Variants in PAOX observed in about 807,000 individuals in gnomAD.
The protein encoded by PAOX is peroxisomal N(1)-acetyl-spermine/spermidine oxidase.
PAOX carries 38 observed loss-of-function variants against 39.0 expected under a neutral mutation model. The ratio of observed to expected loss-of-function variants is 0.97; its 90% CI spans 0.75 to 1.28. The LOEUF is 1.28. Ranked by LOEUF, PAOX falls within the 50% of genes most tolerant of loss-of-function variation. PAOX has a pLI of 0.00. For missense variants in PAOX, 667 were observed against 685.7 expected, an observed-to-expected ratio of 0.97 and a Z score of 0.30; for synonymous variants, 311 against 314.4, an observed-to-expected ratio of 0.99 and a Z score of 0.11.
In PAOX at chr10:133,384,834, G is replaced by A. The variant is rs1167446324; in HGVS notation, c.1121+622G>A. On this transcript the variant is annotated intron_variant, in intron 4 of 6. Transcript: ENST00000278060. The surrounding 1 kb of genome is among the most constrained non-coding windows in gnomAD (Gnocchi z 4.3). Reference sequence around the variant, plus strand: ...TTTCCACTGAGAGATGCCGCAGGAGGGGGCACCAAGTTCTTGTTCTGAAAG... The same window carrying A: ...TTTCCACTGAGAGATGCCGCAGGAGAGGGCACCAAGTTCTTGTTCTGAAAG... 6.6e-6 allele frequency among the ~76,000 whole-genome samples: 1 copy of A among 152,186 alleles called. No homozygotes were observed. Among genetic ancestry groups the A allele is most frequent in the African/African-American group, 2.4e-5 (1 of 41,432 alleles).
chr10:133,389,004 C>T lies in PAOX; in HGVS notation c.1170C>T (p.Phe390=), dbSNP rs975415222. The change falls in exon 5 of 7, where the codon TTC becomes TTT. Residue 390 remains phenylalanine, a synonymous_variant. Transcript: ENST00000278060. The part of the protein sequence containing the change: ...CGFIAGLESE[F]METLSDEEVL... Reference sequence around the variant, plus strand: ...TCATTGCCGGACTTGAGTCTGAGTTCATGGAGACTCTGTCGGATGAAGAAG... The same window carrying T: ...TCATTGCCGGACTTGAGTCTGAGTTTATGGAGACTCTGTCGGATGAAGAAG... 6 of 1,614,020 alleles carry T rather than the reference C, an allele frequency of 3.7e-6. No individual in the cohort carries two copies. Among genetic ancestry groups the T allele is most frequent in the Non-Finnish European group, 5.1e-6 (6 of 1,180,040 alleles).
intron 3 of PAOX, 128 bp from the exon 4 acceptor site, chr10:133,383,832 A>T (rs11101730): frequency 0.075 from 94,055 of 1,257,838 alleles, 3,971 homozygotes; most frequent in Middle Eastern, 0.11. Context: ...AAAAAGTAAA[A>T]CTGCTTGTGT....
intron 6 of PAOX, 88 bp downstream of exon 6, chr10:133,389,835 C>G (rs927338063): frequency 1.5e-6 from 2 of 1,325,294 alleles, no homozygotes; most frequent in Non-Finnish European, 1.9e-6. Context: ...CAGCCAGTGG[C>G]GGGTGGGCTG....
rs1476754195 is a variant in PAOX at position 133,384,028 on chromosome 10, A to G, written c.937A>G (p.Arg313Gly). ...PLPAEKAEAIRKIGFGTNNKI... is the reference protein window; with the variant it reads ...PLPAEKAEAIGKIGFGTNNKI... ...GCCGGCTGAGAAGGCAGAAGCAATC[A>G]GGAAGATAGGCTTTGGGACCAACAA... The change falls in exon 4 of 7, where the codon AGG becomes GGG. Residue 313 changes from arginine to glycine, a missense_variant. Transcript: ENST00000278060. This position sits in a 1 kb window ranked among gnomAD's most constrained non-coding sequence, Gnocchi z 4.3. 3 of 1,614,242 alleles carry G rather than the reference A, an allele frequency of 1.9e-6. No homozygotes were observed. The highest frequency in any genetic ancestry group is 1.7e-6 in the Non-Finnish European group (2 of 1,180,032).
chr10:133,380,579 G>A (rs1232419112), intron 2 of PAOX, 94 bp downstream of exon 2: 42 of 1,432,826 alleles, frequency 2.9e-5, no homozygotes, highest in Non-Finnish European at 3.4e-5. Context: ...GGTATGGGAG[G>A]GACAGGAGAC....
chr10:133,379,710 G>A (rs1589889352), intron 1 of PAOX: 1 of 524,042 alleles, frequency 1.9e-6, no homozygotes, highest in Non-Finnish European at 3.0e-6. Context: ...GCGACCTACG[G>A]CTCCACAAGG....
chr10:133,381,594 T>C lies in PAOX; in HGVS notation c.803T>C (p.Val268Ala). The C allele has an allele frequency of 6.2e-7, 1 of 1,613,608 alleles. No individual in the cohort carries two copies. Among genetic ancestry groups the C allele is most frequent in the South Asian group, 1.1e-5 (1 of 91,086 alleles). ...GCCTTTCCCGGGGAGACCTTTCCAG[T>C]GTCGGTAGAGTGTGAGGATGGAGAC... Reference protein sequence around the residue: ...EAAFPGETFPVSVECEDGDRF... With the variant: ...EAAFPGETFPASVECEDGDRF... Residue 268 changes from valine (V) to alanine (A), a missense_variant, in exon 3 of 7, where the codon GTG becomes GCG. By Grantham distance (64) the Val-to-Ala change is moderately conservative (BLOSUM62 0). Transcript: ENST00000278060.
chr10:133,383,681 C>T (rs1009418054), intron 3 of PAOX, among the ~76,000 whole-genome samples: 15 of 151,958 alleles, frequency 9.9e-5, no homozygotes, highest in Admixed American at 3.3e-4. Context: ...CAGAGGCTCA[C>T]GCCTGTAATC....
chr10:133,382,476 G>C (rs947920384), intron 3 of PAOX, among the ~76,000 whole-genome samples: 2 of 152,272 alleles, frequency 1.3e-5, no homozygotes, highest in African/African-American at 4.8e-5. Flanking sequence ...TGCAGTCGTC[G>C]TCCACACATG....
intron 6 of PAOX, 104 bp downstream of exon 6, chr10:133,389,851 C>A: frequency 8.0e-7 from 1 of 1,250,476 alleles, no homozygotes; most frequent in Non-Finnish European, 1.0e-6. Flanking sequence ...GGCTGGGATC[C>A]CAGACTCGGA....
chr10:133,380,141 G>T lies in PAOX; in HGVS notation c.324G>T (p.Val108=). 1 of 1,594,826 alleles carries T rather than the reference G, an allele frequency of 6.3e-7. No individual in the cohort carries two copies. The change falls in exon 2 of 7, where the codon GTG becomes GTT. Residue 108 remains valine, a synonymous_variant. Coordinates refer to ENST00000278060, the MANE Select transcript of PAOX (RefSeq NM_152911.4). ...AGCTGGTGGAGACCGGGGGTCACGT[G>T]GGCCTGCCCTCCGTGAGCTACGCCA... is the stretch of plus-strand genomic sequence containing the variant. The part of the protein sequence containing the change: ...ENQLVETGGH[V]GLPSVSYASS...
intron 6 of PAOX, chr10:133,390,785 G>T: frequency 1.7e-6 from 1 of 600,028 alleles, no homozygotes; most frequent in Non-Finnish European, 3.0e-6. Context: ...ATCAGATAAG[G>T]CTGTAGCTTT....
chr10:133,380,415 A>T lies in PAOX; in HGVS notation c.598A>T (p.Met200Leu). The T allele has an allele frequency of 6.2e-7, 1 of 1,612,808 alleles. No individual in the cohort carries two copies. Among genetic ancestry groups the T allele is most frequent in the African/African-American group, 1.3e-5 (1 of 75,056 alleles). Residue 200 changes from methionine to leucine, a missense_variant, in exon 2 of 7, where the codon ATG becomes TTG. Met to Leu is a conservative substitution (Grantham distance 15, BLOSUM62 2). Transcript: ENST00000278060. ...LECCVSGTHS[M>L]DLVALAPFGE... The stretch of plus-strand genomic sequence containing the variant: ...ATGCTGTGTGAGCGGCACCCACAGC[A>T]TGGACCTGGTGGCCCTGGCACCCTT...
chr10:133,390,212 C>T (rs1373211801), intron 6 of PAOX, among the ~76,000 whole-genome samples: 1 of 136,788 alleles, frequency 7.3e-6, no homozygotes, highest in Non-Finnish European at 1.6e-5. Context: ...AAGCATGACT[C>T]ACACAGGACA....
chr10:133,387,249 A>G (rs548449447), intron 4 of PAOX, among the ~76,000 whole-genome samples: 28 of 152,348 alleles, frequency 1.8e-4, no homozygotes, highest in South Asian at 6.2e-4. Flanking sequence ...ACTGAACTCC[A>G]GCCTGGGCAA....
chr10:133,381,913 C>T (rs1415379726), intron 3 of PAOX, among the ~76,000 whole-genome samples: 1 of 152,112 alleles, frequency 6.6e-6, no homozygotes, highest in Non-Finnish European at 1.5e-5. Flanking sequence ...TTTAGGGTTG[C>T]GACGGCCTTG....
chr10:133,391,560 G>A lies in PAOX; in HGVS notation c.*105G>A. 6.9e-7 allele frequency: 1 copy of A among 1,456,320 alleles called. No individual in the cohort carries two copies. Among genetic ancestry groups the A allele is most frequent in the Non-Finnish European group, 9.1e-7 (1 of 1,096,934 alleles). The allele number at this position is 1,456,320 out of a possible 1,614,324, so 90.2% of individuals were successfully genotyped here. A position where few individuals can be genotyped will look rare whatever the true frequency, so the allele number is the denominator to read the frequency against. Reference sequence around the variant, plus strand: ...TTGAAATTTGGGGATGTTAATGAGGGTCCTCTGGTTTTTGGTAACCAGGGC... The same window carrying A: ...TTGAAATTTGGGGATGTTAATGAGGATCCTCTGGTTTTTGGTAACCAGGGC... On this transcript the variant is annotated 3_prime_UTR_variant, in exon 7 of 7. Transcript: ENST00000278060.
At chr10:133,385,295 T>TA (rs994863222) in intron 4 of PAOX, among the ~76,000 whole-genome samples, 96 of 145,216 alleles carry the variant, frequency 6.6e-4, no homozygotes, top group South Asian at 4.3e-3. Flanking sequence ...AAACTCTGTC[T>TA]AAAAAAAAAA....
chr10:133,388,913 C>G, intron 4 of PAOX, 43 bp from the exon 5 acceptor site: 1 of 940,304 alleles, frequency 1.1e-6, no homozygotes, highest in Non-Finnish European at 1.8e-6. Flanking sequence ...CTCTCTTTCT[C>G]CATGCAGGTC....
Sources: allele counts gnomAD v4.1 joint callset (sites outside exome capture counted in the v4.1 genomes callset), GRCh38; gene constraint gnomAD v4.1.1; non-coding constraint Gnocchi (gnomAD v3.1); transcripts MANE v1.5; gene names NCBI Gene and HGNC (gene_info 2026-07-23, HGNC 2026-07-21).